SSBP3: variants seen among roughly 807,000 people sequenced by gnomAD.
SSBP3 encodes the protein single-stranded DNA-binding protein 3.
In SSBP3, 5 loss-of-function variants were observed where a neutral mutation model predicts 69.6. That is an observed-to-expected ratio of 0.07 (90% confidence interval 0.04 to 0.15). The LOEUF (loss-of-function observed/expected upper bound fraction) is 0.15. Among genes scored for constraint, SSBP3 ranks in the 10% least tolerant of loss-of-function variants. SSBP3 has a pLI of 1.00. For synonymous variants in SSBP3, 196 were observed against 193.4 expected (o/e 1.01, Z -0.11); for missense variants, 312 against 534.0 (o/e 0.58, Z 4.10).
intron 4 of SSBP3, among the ~76,000 whole-genome samples, chr1:54,282,662 TGG>T (rs1359050082): frequency 1.3e-5 from 2 of 152,194 alleles, no homozygotes; most frequent in African/African-American, 4.8e-5. Context: ...CTGAGACATC[TGG>T]GCCCCAGCCC....
At position 54,258,339 on chromosome 1, in the gene SSBP3, C is replaced by T. The variant is rs1016652732; in HGVS notation, c.367-190G>A. On this transcript the variant is annotated intron_variant, in intron 5 of 17. Transcript: ENST00000610401. This position sits in a 1 kb window ranked among gnomAD's most constrained non-coding sequence, Gnocchi z 4.5. The stretch of plus-strand genomic sequence containing the variant: ...CGGCTCAACGGTGTAAAACGGCGAG[C>T]GGGAGCGAGAGAAGCTGATAAATAC... Among the ~76,000 whole-genome samples, 4 of 152,074 alleles carry T rather than the reference C, an allele frequency of 2.6e-5. No homozygotes were observed. Among genetic ancestry groups the T allele is most frequent in the South Asian group, 2.1e-4 (1 of 4,834 alleles).
chr1:54,225,904 C>T lies in SSBP3; in HGVS notation c.*1227G>A, dbSNP rs928644457. 4 of 152,476 alleles carry T rather than the reference C, an allele frequency of 2.6e-5. No individual in the cohort carries two copies. The South Asian group carries it at 6.2e-4, about 24-fold the overall frequency. 9.4% of individuals were successfully genotyped at this position (152,476 alleles called of 1,614,324 possible). On this transcript the variant is annotated 3_prime_UTR_variant, in exon 18 of 18. Coordinates refer to ENST00000610401, the Ensembl canonical transcript of SSBP3. ...GTCCCCCCACCCCCCACAGCTGCTCCAAAGTCTTTCCATCCAGTCCCAAGC... is the reference window on the plus strand; with the variant it reads ...GTCCCCCCACCCCCCACAGCTGCTCTAAAGTCTTTCCATCCAGTCCCAAGC...
At chr1:54,304,837 G>T (rs1414136551) in intron 4 of SSBP3, among the ~76,000 whole-genome samples, 2 of 152,218 alleles carry the variant, frequency 1.3e-5, no homozygotes, top group Non-Finnish European at 2.9e-5. Context: ...CCTCTGCTGA[G>T]ATGAGTTGGC....
At chr1:54,227,270 T>C (rs914518802) in intron 17 of SSBP3, 110 bp from the exon 18 acceptor site, 1 of 735,118 alleles carries the variant, frequency 1.4e-6, no homozygotes, top group East Asian at 2.5e-5. Context: ...CAGGGCTCAT[T>C]TGGGGATGTG....
chr1:54,317,523 C>T (rs982135952), intron 4 of SSBP3, among the ~76,000 whole-genome samples: 6 of 149,812 alleles, frequency 4.0e-5, no homozygotes, highest in African/African-American at 2.5e-5. Context: ...GGTGATAGAG[C>T]GAGACTCTCA....
intron 4 of SSBP3, among the ~76,000 whole-genome samples, chr1:54,400,981 A>G (rs1441099923): frequency 6.6e-6 from 1 of 152,208 alleles, no homozygotes; most frequent in East Asian, 1.9e-4. Flanking sequence ...ATCACCTGCT[A>G]TATGGACATG....
At chr1:54,374,190 G>T (rs1647179435) in intron 4 of SSBP3, among the ~76,000 whole-genome samples, 1 of 152,240 alleles carries the variant, frequency 6.6e-6, no homozygotes, top group African/African-American at 2.4e-5. Context: ...AGGCTGGGCA[G>T]GTAAGACGCA....
chr1:54,238,732 TC>T (rs1157654260), intron 14 of SSBP3: 1 of 314,078 alleles, frequency 3.2e-6, no homozygotes, highest in Non-Finnish European at 6.4e-6. Flanking sequence ...TGCTGCTGGC[TC>T]CACCCTCAAC....
chr1:54,338,920 C>T (rs955615250), intron 4 of SSBP3, among the ~76,000 whole-genome samples: 2 of 152,192 alleles, frequency 1.3e-5, no homozygotes. Flanking sequence ...ATCATGACGA[C>T]GGTGCAAGAA....
chr1:54,402,143 G>A (rs535854628), intron 3 of SSBP3, among the ~76,000 whole-genome samples, 198 bp from the exon 4 acceptor site: 2 of 152,334 alleles, frequency 1.3e-5, no homozygotes, highest in South Asian at 2.1e-4. Flanking sequence ...AGTAATGGCA[G>A]TAATAGTTCT....
In SSBP3 at chr1:54,404,641, G is replaced by A; in HGVS notation, c.130-4C>T. On this transcript the variant is annotated splice_polypyrimidine_tract_variant and splice_region_variant and intron_variant, in intron 2 of 17. Coordinates refer to ENST00000610401, the Ensembl canonical transcript of SSBP3. ...TGATGTTTTTTTCCCATCGAATCTG[G>A]AAAGGTAAGAGCAGAAGCAGCTTAG... 1 of 1,613,946 alleles carries A rather than the reference G, an allele frequency of 6.2e-7. No individual in the cohort carries two copies. Among genetic ancestry groups the A allele is most frequent in the Non-Finnish European group, 8.5e-7 (1 of 1,179,868 alleles).
chr1:54,231,492 T>C (rs1644378448), intron 14 of SSBP3, among the ~76,000 whole-genome samples: 1 of 152,236 alleles, frequency 6.6e-6, no homozygotes, highest in African/African-American at 2.4e-5. Context: ...TCCTTGATGG[T>C]GTCCTTTGAA....
chr1:54,254,774 T>G (rs552941124), intron 7 of SSBP3, among the ~76,000 whole-genome samples: 2 of 152,198 alleles, frequency 1.3e-5, no homozygotes, highest in Non-Finnish European at 2.9e-5. Context: ...CTTTGGAGGA[T>G]AGAAATTTCT....
chr1:54,267,913 T>G (rs568597927), intron 5 of SSBP3, among the ~76,000 whole-genome samples: 1 of 152,234 alleles, frequency 6.6e-6, no homozygotes, highest in East Asian at 1.9e-4. Context: ...TAAAAAAAAA[T>G]TAAAGACAGG....
At chr1:54,368,430 G>T (rs897097679) in intron 4 of SSBP3, among the ~76,000 whole-genome samples, 1 of 151,840 alleles carries the variant, frequency 6.6e-6, no homozygotes, top group African/African-American at 2.4e-5. Flanking sequence ...CAGGGAGAAG[G>T]GACTTGTTCG....
chr1:54,304,226 C>T (rs1216104969), intron 4 of SSBP3, among the ~76,000 whole-genome samples: 2 of 152,188 alleles, frequency 1.3e-5, no homozygotes, highest in South Asian at 2.1e-4. Flanking sequence ...GGGCAGCCTT[C>T]GACCTAGAGT....
At chr1:54,259,740 C>T (rs144744646) in intron 5 of SSBP3, among the ~76,000 whole-genome samples, 1 of 152,290 alleles carries the variant, frequency 6.6e-6, no homozygotes, top group East Asian at 1.9e-4. Context: ...TCGCAGGGGG[C>T]TGTACAAGAA....
intron 3 of SSBP3, among the ~76,000 whole-genome samples, chr1:54,402,180 G>A (rs750666538): frequency 3.4e-4 from 52 of 152,254 alleles, no homozygotes; most frequent in Middle Eastern, 6.8e-3. Flanking sequence ...ACTACATGCC[G>A]GATGCTTCAC....
intron 4 of SSBP3, among the ~76,000 whole-genome samples, chr1:54,290,615 C>T (rs540484141): frequency 9.1e-4 from 139 of 152,316 alleles, no homozygotes; most frequent in Admixed American, 3.1e-3. Context: ...CACCCGGCTT[C>T]TTCTGGGGAC....
Sources: allele counts gnomAD v4.1 joint callset (sites outside exome capture counted in the v4.1 genomes callset), GRCh38; gene constraint gnomAD v4.1.1; non-coding constraint Gnocchi (gnomAD v3.1); transcripts MANE v1.5; gene names NCBI Gene and HGNC (gene_info 2026-07-23, HGNC 2026-07-21).